TAF3: variants seen among roughly 807,000 people sequenced by gnomAD.
TAF3 encodes TATA-box binding protein associated factor 3, also known as transcription initiation factor TFIID subunit 3.
Under a neutral mutation model 80.6 loss-of-function variants are expected in TAF3, and 7 were observed. That is an observed-to-expected ratio of 0.09 (90% CI 0.05 to 0.16). The LOEUF is 0.16. TAF3 is among the 10% of genes least tolerant of loss of function. The probability of loss-of-function intolerance (pLI) is 1.00; values close to 1 mark genes in which losing one functional copy is unlikely to be tolerated. For synonymous variants in TAF3, 444 were observed against 446.1 expected, an observed-to-expected ratio of 1.00 and a Z score of 0.06; for missense variants, 921 against 1,140.2, an observed-to-expected ratio of 0.81 and a Z score of 2.77.
At chr10:7,907,940 G>A (rs1189297200) in intron 2 of TAF3, among the ~76,000 whole-genome samples, 1 of 152,200 alleles carries the variant, frequency 6.6e-6, no homozygotes, top group Admixed American at 6.5e-5. Flanking sequence ...GACTGAATCT[G>A]GAGCGGCAGC....
intron 4 of TAF3, among the ~76,000 whole-genome samples, chr10:7,999,924 T>C (rs2131434238): frequency 6.6e-6 from 1 of 152,364 alleles, no homozygotes; most frequent in Middle Eastern, 3.4e-3. Context: ...CACAAAATCA[T>C]AGTAGGACTA....
Position 7,963,227 on chromosome 10 carries a change from A to T in TAF3, c.410-693A>T, listed in dbSNP as rs534023392. Among the ~76,000 whole-genome samples, 13 of 152,316 alleles carry T rather than the reference A, an allele frequency of 8.5e-5. 1 individual carries two copies. The highest frequency in any genetic ancestry group is 2.9e-4 in the African/African-American group (12 of 41,566). ...CCTGATAATAATAATAATCCATACT[A>T]AGTCCTATAATAATCCATCTCTTGA... On this transcript the variant is annotated intron_variant, in intron 2 of 6. Coordinates refer to ENST00000344293, the MANE Select transcript of TAF3 (RefSeq NM_031923.4).
intron 4 of TAF3, among the ~76,000 whole-genome samples, chr10:8,005,565 C>T (rs551303794): frequency 6.6e-6 from 1 of 152,316 alleles, no homozygotes; most frequent in South Asian, 2.1e-4. Context: ...CTTTGACATT[C>T]GTCCTCTTCA....
intron 2 of TAF3, among the ~76,000 whole-genome samples, chr10:7,899,511 A>G (rs923682044): frequency 1.3e-5 from 2 of 152,174 alleles, no homozygotes; most frequent in East Asian, 3.8e-4. Flanking sequence ...AGTTAAACCC[A>G]GCCATTCACC....
At chr10:7,833,974 C>T in intron 2 of TAF3, 2 of 269,460 alleles carry the variant, frequency 7.4e-6, no homozygotes, top group Non-Finnish European at 1.4e-5. Flanking sequence ...CTGCTGTCCT[C>T]CGGCACAGGA....
At chr10:7,938,246 G>A (rs556575710) in intron 2 of TAF3, among the ~76,000 whole-genome samples, 5 of 152,126 alleles carry the variant, frequency 3.3e-5, no homozygotes, top group Non-Finnish European at 7.3e-5. Context: ...AGTTTGGTGT[G>A]GCTAGGGATG....
chr10:7,837,802 G>A (rs181371905), intron 2 of TAF3, among the ~76,000 whole-genome samples: 13 of 152,316 alleles, frequency 8.5e-5, no homozygotes, highest in Non-Finnish European at 1.6e-4. Context: ...CTGGGTGACA[G>A]AGTGGGACCC....
intron 2 of TAF3, among the ~76,000 whole-genome samples, chr10:7,942,924 G>C (rs181740776): frequency 5.9e-5 from 9 of 152,332 alleles, no homozygotes; most frequent in Non-Finnish European, 1.0e-4. Context: ...TAGGCTGTCT[G>C]TGCAGGTCTT....
intron 2 of TAF3, among the ~76,000 whole-genome samples, chr10:7,962,344 A>ACCCAT (rs1564371968): frequency 6.6e-6 from 1 of 152,026 alleles, no homozygotes; most frequent in South Asian, 2.1e-4. Context: ...CTCCTTCAGT[A>ACCCAT]CCCATCACCT....
rs535682608 is a variant in TAF3 at position 7,911,139 on chromosome 10, GA to G, written c.410-52779del. The stretch of plus-strand genomic sequence containing the variant: ...AGTCTTGCTATCTAGATCTTTTAAA[GA>G]AGGTGCTTTAAGAAAAAAGTGGTGT... On this transcript the variant is annotated intron_variant, in intron 2 of 6. Transcript: ENST00000344293. Among the ~76,000 whole-genome samples, 24 of 152,306 alleles carry G rather than the reference GA, an allele frequency of 1.6e-4. No homozygotes were observed. The East Asian group carries it at 3.7e-3, about 23-fold the overall frequency.
chr10:7,822,255 A>G lies in TAF3; in HGVS notation c.167-2063A>G, dbSNP rs200545294. Among the ~76,000 whole-genome samples the G allele has an allele frequency of 1.8e-4, 28 of 152,086 alleles. No individual in the cohort carries two copies. In the East Asian group the frequency reaches 5.4e-3, roughly 29 times the overall value. On this transcript the variant is annotated intron_variant, in intron 1 of 6. Transcript: ENST00000344293. ...CTGAAATCATGGTTAAAAAAAAAAA[A>G]AAAAGGTGGCCGAAGGGGACGGGGA...
At chr10:7,927,842 T>C (rs867201127) in intron 2 of TAF3, among the ~76,000 whole-genome samples, 7 of 152,222 alleles carry the variant, frequency 4.6e-5, no homozygotes, top group African/African-American at 1.2e-4. Flanking sequence ...GAAGAGGCAC[T>C]GTTTCCTTTT....
chr10:7,951,611 C>G (rs137935963), intron 2 of TAF3, among the ~76,000 whole-genome samples: 2 of 152,230 alleles, frequency 1.3e-5, no homozygotes, highest in African/African-American at 2.4e-5. Flanking sequence ...ATGTCCACCT[C>G]TTGATGAGAA....
rs955507877 is a variant in TAF3, at chr10:7,964,811, C to T, written c.1301C>T (p.Pro434Leu). ...ATTTCAGGCCCGGAGTGTACTACTCCCAAAGCTTCCACTTCCGCGAACAAT... is the reference window on the plus strand; with the variant it reads ...ATTTCAGGCCCGGAGTGTACTACTCTCAAAGCTTCCACTTCCGCGAACAAT... ...KRISGPECTT[P>L]KASTSANNFT... is the part of the protein sequence containing the mutation. The change falls in exon 3 of 7, where the codon CCC becomes CTC. Residue 434 changes from proline (P) to leucine (L), a missense_variant. Coordinates refer to ENST00000344293, the MANE Select transcript of TAF3 (RefSeq NM_031923.4). The surrounding 1 kb of genome is among the most constrained non-coding windows in gnomAD (Gnocchi z 4.1). 3 of 1,614,198 alleles carry T rather than the reference C, an allele frequency of 1.9e-6. No homozygotes were observed. In the South Asian group the frequency reaches 3.3e-5, roughly 18 times the overall value.
intron 2 of TAF3, among the ~76,000 whole-genome samples, chr10:7,834,520 G>C (rs1187745798): frequency 6.6e-6 from 1 of 151,948 alleles, no homozygotes; most frequent in Non-Finnish European, 1.5e-5. Flanking sequence ...ATTGTTTCTA[G>C]GCAATAAGTA....
At chr10:7,855,834 C>T (rs1837073394) in intron 2 of TAF3, among the ~76,000 whole-genome samples, 2 of 151,842 alleles carry the variant, frequency 1.3e-5, no homozygotes, top group South Asian at 4.1e-4. Flanking sequence ...GTAATCCCAG[C>T]TCTCAGGGAG....
At chr10:7,904,080 G>C (rs922737155) in intron 2 of TAF3, among the ~76,000 whole-genome samples, 6 of 152,222 alleles carry the variant, frequency 3.9e-5, no homozygotes, top group African/African-American at 1.4e-4. Context: ...AGCAGTGCTA[G>C]AAGTAAGAAG....
intron 2 of TAF3, among the ~76,000 whole-genome samples, chr10:7,914,534 T>A (rs1201295124): frequency 6.6e-6 from 1 of 152,276 alleles, no homozygotes; most frequent in Admixed American, 6.5e-5. Flanking sequence ...CCTGGTATAC[T>A]GCTGACCTGT....
intron 2 of TAF3, among the ~76,000 whole-genome samples, chr10:7,917,772 T>A (rs749685529): frequency 1.3e-5 from 2 of 151,966 alleles, no homozygotes; most frequent in Non-Finnish European, 2.9e-5. Context: ...TGAGGAAAGA[T>A]GGGAATGAAG....
Sources: allele counts gnomAD v4.1 joint callset (sites outside exome capture counted in the v4.1 genomes callset), GRCh38; gene constraint gnomAD v4.1.1; non-coding constraint Gnocchi (gnomAD v3.1); transcripts MANE v1.5; gene names NCBI Gene and HGNC (gene_info 2026-07-23, HGNC 2026-07-21).